Variants in FAM181A observed in about 807,000 individuals in gnomAD.
The protein encoded by FAM181A is protein FAM181A.
A neutral mutation model predicts 16.3 loss-of-function variants in FAM181A; 7 were observed. The ratio of observed to expected loss-of-function variants is 0.43; its 90% CI spans 0.24 to 0.81. The LOEUF (loss-of-function observed/expected upper bound fraction) is 0.81, where lower values mean the gene tolerates loss of function less well. Among genes scored for constraint, FAM181A ranks in the 30% least tolerant of loss-of-function variants. The pLI, the probability that FAM181A is intolerant of heterozygous loss-of-function variation, is 0.24. For synonymous variants in FAM181A, 183 were observed against 164.9 expected (o/e 1.11, Z -0.84); for missense variants, 349 against 377.5 (o/e 0.92, Z 0.63).
chr14:93,928,275 G>GC lies in FAM181A; in HGVS notation c.-6dup, dbSNP rs1887996554. The GC allele has an allele frequency of 6.2e-7, 1 of 1,613,728 alleles. No individual in the cohort carries two copies. The highest frequency in any genetic ancestry group is 8.5e-7 in the Non-Finnish European group (1 of 1,180,018). On this transcript the variant is annotated 5_prime_UTR_variant, in exon 2 of 2. Transcript: ENST00000556222. ...TCTTCATGGAAAGCCTCGTGCAGTG[G>GC]CCCCCTGGTGATGGCATCCGACAGT... is the stretch of plus-strand genomic sequence containing the variant.
At chr14:93,923,273 C>G (rs538386435), upstream of FAM181A, 1 of 152,376 alleles carries the variant, frequency 6.6e-6, no homozygotes, top group East Asian at 1.9e-4. Flanking sequence ...CTGCGCCCGG[C>G]TGAATCTCCA....
At chr14:93,927,672 G>A (rs765498661) in intron 1 of FAM181A, 75 of 1,263,692 alleles carry the variant, frequency 5.9e-5, no homozygotes, top group Non-Finnish European at 7.4e-5. Context: ...CTGGTCCTGC[G>A]TGAGAGCTGG....
intron 1 of FAM181A, among the ~76,000 whole-genome samples, chr14:93,921,746 G>T (rs1887734467): frequency 6.6e-6 from 1 of 151,966 alleles, no homozygotes; most frequent in African/African-American, 2.4e-5. Context: ...TGTAGCCCTG[G>T]GCTAGCAAGG....
chr14:93,929,231 C>T lies in FAM181A; in HGVS notation c.*67C>T, dbSNP rs1888062331. 2.0e-6 allele frequency: 3 copies of T among 1,490,236 alleles called. No individual in the cohort carries two copies. The South Asian group carries it at 4.2e-5, about 21-fold the overall frequency. The allele number at this position is 1,490,236 out of a possible 1,614,324, so 92.3% of individuals were successfully genotyped here. A position where few individuals can be genotyped will look rare whatever the true frequency, so the allele number is the denominator to read the frequency against. On this transcript the variant is annotated 3_prime_UTR_variant, in exon 2 of 2. Transcript: ENST00000556222. Reference sequence around the variant, plus strand: ...AGTGTCGAGGTCCCCGAGGCGCTCTCCTGTGAGGAGGTGGCTGGGCCACAG... The same window carrying T: ...AGTGTCGAGGTCCCCGAGGCGCTCTTCTGTGAGGAGGTGGCTGGGCCACAG...
upstream of FAM181A, among the ~76,000 whole-genome samples, chr14:93,922,562 CG>C (rs552860208): frequency 8.5e-4 from 129 of 152,118 alleles, 2 homozygotes; most frequent in South Asian, 0.025. Context: ...TGGTGGCACA[CG>C]TCTGTAATCC....
At chr14:93,928,023 T>A (rs1887983945) in intron 1 of FAM181A, among the ~76,000 whole-genome samples, 176 bp from the exon 2 acceptor site, 1 of 152,122 alleles carries the variant, frequency 6.6e-6, no homozygotes, top group South Asian at 2.1e-4. Flanking sequence ...GCCTGCCGCA[T>A]CCCAGGTGTG....
upstream of FAM181A, among the ~76,000 whole-genome samples, chr14:93,924,581 C>T (rs180823043): frequency 6.6e-6 from 1 of 152,372 alleles, no homozygotes; most frequent in East Asian, 1.9e-4. Flanking sequence ...CAGTTGCCTC[C>T]TCTCCCTGCT....
At chr14:93,923,775 G>A (rs1225609030), upstream of FAM181A, 1 of 152,246 alleles carries the variant, frequency 6.6e-6, no homozygotes, top group South Asian at 2.1e-4. Flanking sequence ...CTTTAACAGA[G>A]CTTTACAGAA....
chr14:93,928,633 G>C lies in FAM181A; in HGVS notation c.348G>C (p.Gln116His). Residue 116 changes from glutamine (Q) to histidine (H), a missense_variant, in exon 2 of 2, where the codon CAG becomes CAC. Coordinates refer to ENST00000556222, the MANE Select transcript of FAM181A (RefSeq NM_001207073.2). ...GTCTTGCTAAGGAGCAGCTCCCACA[G>C]AGGCAGCATCCAGAAGCTGCCCAGC... is the stretch of plus-strand genomic sequence containing the variant. ...EECLAKEQLPQRQHPEAAQPG... is the reference protein window; with the variant it reads ...EECLAKEQLPHRQHPEAAQPG... 6.2e-7 allele frequency: 1 copy of C among 1,613,990 alleles called. No homozygotes were observed. The highest frequency in any genetic ancestry group is 8.5e-7 in the Non-Finnish European group (1 of 1,179,994).
chr14:93,925,743 G>A (rs944057989), upstream of FAM181A, among the ~76,000 whole-genome samples: 3 of 151,916 alleles, frequency 2.0e-5, no homozygotes, highest in Admixed American at 2.0e-4. Context: ...CCCCGACCCC[G>A]CAGCAGGGTA....
Position 93,929,295 on chromosome 14 carries a change from G to C in FAM181A, c.*131G>C. 3 of 1,247,652 alleles carry C rather than the reference G, an allele frequency of 2.4e-6. No homozygotes were observed. In the South Asian group the frequency reaches 5.7e-5, roughly 24 times the overall value. 77.3% of individuals were successfully genotyped at this position (1,247,652 alleles called of 1,614,324 possible). On this transcript the variant is annotated 3_prime_UTR_variant, in exon 2 of 2. Transcript: ENST00000556222. ...GTTTGTGTGCGCATGGGAGTGGAGG[G>C]CAGGATTGGGGCAGGGCTCCTCAGG...
At chr14:93,921,397 C>T (rs1405225936) in intron 1 of FAM181A, among the ~76,000 whole-genome samples, 1 of 152,182 alleles carries the variant, frequency 6.6e-6, no homozygotes, top group African/African-American at 2.4e-5. Context: ...AAGGTCTCTG[C>T]CTCCTCTGAG....
Position 93,928,884 on chromosome 14 carries a change from C to T in FAM181A, c.599C>T (p.Pro200Leu), listed in dbSNP as rs1015509370. ...ALAEKEPLKM[P>L]GVSLVGRVNA... is the part of the protein sequence containing the mutation. Reference sequence around the variant, plus strand: ...GCTGAAAAGGAGCCGCTCAAGATGCCTGGGGTCTCCTTGGTGGGCCGCGTC... The same window carrying T: ...GCTGAAAAGGAGCCGCTCAAGATGCTTGGGGTCTCCTTGGTGGGCCGCGTC... Residue 200 changes from proline to leucine, a missense_variant, in exon 2 of 2, where the codon CCT (proline) becomes CTT (leucine). Transcript: ENST00000556222. The T allele has an allele frequency of 6.2e-7, 1 of 1,614,052 alleles. No individual in the cohort carries two copies. Among genetic ancestry groups the T allele is most frequent in the African/African-American group, 1.3e-5 (1 of 74,920 alleles).
upstream of FAM181A, chr14:93,927,047 C>CAA (rs1388954744): frequency 6.1e-6 from 1 of 164,372 alleles, no homozygotes; most frequent in African/African-American, 2.4e-5. Flanking sequence ...CACACACACA[C>CAA]ACACACACAC....
At position 93,919,940 on chromosome 14, in the gene FAM181A, CAAG is replaced by C. The variant is rs539987317; in HGVS notation, c.-225+955_-225+957del. Among the ~76,000 whole-genome samples, 782 of 149,672 alleles carry C rather than the reference CAAG, an allele frequency of 5.2e-3. 9 individuals are homozygous for C. The highest frequency in any genetic ancestry group is 0.018 in the African/African-American group (751 of 40,626). ...AAAGAAAAGTGAAATAAGCCCAAAG[CAAG>C]AAGAAGAAAGGAAGTAATAAAGATA... On this transcript the variant is annotated intron_variant, in intron 1 of 2. Transcript: ENST00000267594.
chr14:93,928,113 A>G (rs1218401421), intron 1 of FAM181A, 86 bp from the exon 2 acceptor site: 1 of 1,541,894 alleles, frequency 6.5e-7, no homozygotes, highest in Non-Finnish European at 8.7e-7. Context: ...GGGTGGGGAG[A>G]CTGTTTGTAG....
upstream of FAM181A, among the ~76,000 whole-genome samples, chr14:93,922,977 A>AC (rs1228227340): frequency 6.6e-6 from 1 of 150,718 alleles, no homozygotes; most frequent in African/African-American, 2.4e-5. Flanking sequence ...TTGAATCTCC[A>AC]CATTTTTTTT....
chr14:93,925,654 G>A (rs556104579), upstream of FAM181A, among the ~76,000 whole-genome samples: 6 of 151,938 alleles, frequency 3.9e-5, no homozygotes, highest in Non-Finnish European at 5.9e-5. Flanking sequence ...CCGCAGGCAG[G>A]AGCAACCCTC....
In FAM181A at chr14:93,929,026, C is replaced by A; in HGVS notation, c.741C>A (p.Ala247=). 6.2e-7 allele frequency: 1 copy of A among 1,606,816 alleles called. No individual in the cohort carries two copies. Among genetic ancestry groups the A allele is most frequent in the African/African-American group, 1.3e-5 (1 of 74,792 alleles). ...PSLGLWRKSP[A]FPGELAHLCK... is the part of the protein sequence containing the mutation. ...TGGGCCTTTGGAGGAAGAGCCCAGC[C>A]TTTCCCGGGGAGCTGGCGCACCTCT... is the stretch of plus-strand genomic sequence containing the variant. The change falls in exon 2 of 2, where the codon GCC becomes GCA. Residue 247 remains alanine (A), a synonymous_variant. Transcript: ENST00000556222.
Sources: allele counts gnomAD v4.1 joint callset (sites outside exome capture counted in the v4.1 genomes callset), GRCh38; gene constraint gnomAD v4.1.1; transcripts MANE v1.5; gene names NCBI Gene and HGNC (gene_info 2026-07-23, HGNC 2026-07-21).